CAPRIN2: variants seen among roughly 807,000 people sequenced by gnomAD.
CAPRIN2 encodes the protein caprin family member 2.
A neutral mutation model predicts 130.4 loss-of-function variants in CAPRIN2; 66 were observed. The observed-to-expected ratio is 0.51, with a 90% CI of 0.42 to 0.62. The LOEUF (loss-of-function observed/expected upper bound fraction) is 0.62. Among genes scored for constraint, CAPRIN2 ranks in the 20% least tolerant of loss-of-function variants. The pLI, the probability that CAPRIN2 is intolerant of heterozygous loss-of-function variation, is 0.00. For synonymous variants in CAPRIN2, 471 were observed against 444.1 expected (o/e 1.06, Z -0.76); for missense variants, 1,185 against 1,246.6 (o/e 0.95, Z 0.74).
intron 2 of CAPRIN2, among the ~76,000 whole-genome samples, chr12:30,749,340 T>C (rs1225831231): frequency 1.3e-5 from 2 of 152,094 alleles, no homozygotes; most frequent in African/African-American, 4.8e-5. Context: ...GGGGAACAAA[T>C]GGGGACTTCT....
chr12:30,711,696 GACT>G (rs763602754), intron 15 of CAPRIN2, 67 bp from the exon 18 acceptor site: 2 of 1,299,972 alleles, frequency 1.5e-6, no homozygotes, highest in Non-Finnish European at 2.2e-6. Context: ...TATTACACAG[GACT>G]ACCGGCTGGC....
intron 12 of CAPRIN2, among the ~76,000 whole-genome samples, chr12:30,717,541 G>A (rs1315186230): frequency 6.6e-6 from 1 of 151,804 alleles, no homozygotes; most frequent in Admixed American, 6.6e-5. Flanking sequence ...CCACTGAATT[G>A]TATACTTTAA....
Position 30,735,362 on chromosome 12 carries a change from G to A in CAPRIN2, c.571-156C>T, listed in dbSNP as rs538615523. Among the ~76,000 whole-genome samples the A allele has an allele frequency of 4.4e-3, 670 of 152,264 alleles. 4 individuals are homozygous for A. The highest frequency in any genetic ancestry group is 7.0e-3 in the Non-Finnish European group (478 of 68,024). ...TAGTCTGTCTCCTTTTTGAGCTAAA[G>A]AAGTCACTGAGTAATAAACTGGTTT... On this transcript the variant is annotated intron_variant, in intron 3 of 16. Transcript: ENST00000298892.
intron 8 of CAPRIN2, chr12:30,728,349 T>G: frequency 4.2e-6 from 1 of 239,294 alleles, no homozygotes; most frequent in Non-Finnish European, 8.1e-6. Context: ...GATCAGGAGA[T>G]CCAGGCCATC....
exon 1 of CAPRIN2, chr12:30,753,742 C>A: frequency 6.2e-7 from 1 of 1,609,960 alleles, no homozygotes. Flanking sequence ...CCCAATGATG[C>A]TTGAGATACT....
intron 7 of CAPRIN2, 97 bp downstream of exon 8, chr12:30,730,142 G>A (rs1049613102): frequency 3.4e-5 from 33 of 981,934 alleles, no homozygotes; most frequent in Non-Finnish European, 5.0e-5. Context: ...CAGGGTTCAA[G>A]CTCAGGCAGT....
exon 8 of CAPRIN2, chr12:30,729,303 G>A (rs749068480): frequency 1.3e-6 from 2 of 1,565,290 alleles, no homozygotes; most frequent in African/African-American, 2.8e-5. Flanking sequence ...ATCTACTTCT[G>A]TCATATAGCG....
intron 9 of CAPRIN2, among the ~76,000 whole-genome samples, chr12:30,724,906 A>T (rs936629828): frequency 1.3e-5 from 2 of 152,162 alleles, no homozygotes; most frequent in Non-Finnish European, 1.5e-5. Flanking sequence ...AAACAAGAGG[A>T]TCGCTTGAGC....
chr12:30,741,055 C>G (rs749750269), exon 3 of CAPRIN2: 3 of 1,611,614 alleles, frequency 1.9e-6, no homozygotes, highest in Non-Finnish European at 2.5e-6. Context: ...TTTTGAAGCT[C>G]CTTGGCAAAT....
At chr12:30,709,642 GT>G (rs2053672443) in exon 17 of CAPRIN2, 1 of 366,614 alleles carries the variant, frequency 2.7e-6, no homozygotes, top group African/African-American at 2.0e-5. Flanking sequence ...CGTTAATACA[GT>G]TAAGGATTAA....
At position 30,734,884 on chromosome 12, in the gene CAPRIN2, A is replaced by T. The variant is rs542565818; in HGVS notation, c.809+84T>A. ...CACACACACACACACACACACACACACACTCTCTCTCTCACATACACACAC... is the reference window on the plus strand; with the variant it reads ...CACACACACACACACACACACACACTCACTCTCTCTCTCACATACACACAC... On this transcript the variant is annotated intron_variant, in intron 4 of 16. Coordinates refer to ENST00000298892, the Ensembl canonical transcript of CAPRIN2. 1.7e-3 allele frequency: 894 copies of T among 512,846 alleles called. 3 individuals carry two copies. Among genetic ancestry groups the T allele is most frequent in the Middle Eastern group, 6.3e-3 (17 of 2,708 alleles). 31.8% of individuals were successfully genotyped at this position (512,846 alleles called of 1,614,324 possible).
At chr12:30,716,463 G>T in intron 13 of CAPRIN2, 45 bp downstream of exon 15, 2 of 1,548,328 alleles carry the variant, frequency 1.3e-6, no homozygotes, top group Non-Finnish European at 1.8e-6. Context: ...CCATTCAATT[G>T]GCTGTCCCTC....
chr12:30,740,956 T>C (rs1217420525), intron 3 of CAPRIN2, 64 bp downstream of exon 4: 26 of 947,818 alleles, frequency 2.7e-5, no homozygotes, highest in African/African-American at 4.9e-5. Flanking sequence ...ACTGACACAC[T>C]GACATTTTCT....
At chr12:30,749,599 G>C (rs932666572) in intron 2 of CAPRIN2, among the ~76,000 whole-genome samples, 1 of 152,168 alleles carries the variant, frequency 6.6e-6, no homozygotes, top group Admixed American at 6.5e-5. Flanking sequence ...TGAGGAGAAA[G>C]GAGATAAATT....
chr12:30,735,112 T>C (rs1230532263), exon 4 of CAPRIN2: 1 of 1,614,158 alleles, frequency 6.2e-7, no homozygotes, highest in Non-Finnish European at 8.5e-7. Context: ...CTGCAATACA[T>C]ACTGAACTTG....
At chr12:30,727,814 G>T (rs1413308070) in intron 8 of CAPRIN2, among the ~76,000 whole-genome samples, 1 of 152,120 alleles carries the variant, frequency 6.6e-6, no homozygotes, top group Admixed American at 6.5e-5. Flanking sequence ...TGGAAATAGA[G>T]AACTAATTCA....
intron 13 of CAPRIN2, chr12:30,716,289 G>A (rs565472541): frequency 1.6e-4 from 72 of 447,284 alleles, no homozygotes; most frequent in African/African-American, 1.0e-3. Flanking sequence ...GGTTAAATCC[G>A]TCATCTAAGT....
intron 13 of CAPRIN2, 191 bp from the exon 16 acceptor site, chr12:30,715,332 T>C: frequency 1.5e-6 from 1 of 654,416 alleles, no homozygotes; most frequent in Non-Finnish European, 2.7e-6. Context: ...GGAATATTAT[T>C]CAGCCTAAAA....
Position 30,733,581 on chromosome 12 carries a change from C to T in CAPRIN2, c.892+48G>A, listed in dbSNP as rs754061170. ...CTCAATATCATACTAAACTTCTAGA[C>T]ATAAAGTTTAGTATTTACTGCATAA... On this transcript the variant is annotated intron_variant, in intron 5 of 16. Coordinates refer to ENST00000298892, the Ensembl canonical transcript of CAPRIN2. 3.1e-6 allele frequency: 4 copies of T among 1,269,900 alleles called. No individual in the cohort carries two copies. In the South Asian group the frequency reaches 3.6e-5, roughly 11 times the overall value. The allele number at this position is 1,269,900 out of a possible 1,614,324, so 78.7% of individuals were successfully genotyped here.
Sources: gnomAD v4.1 joint callset for allele counts (sites outside exome capture counted in the v4.1 genomes callset) on GRCh38, gnomAD v4.1.1 for gene constraint, MANE v1.5 for transcripts, NCBI Gene and HGNC (gene_info 2026-07-23, HGNC 2026-07-21) for gene names.